DAB1: variants seen among roughly 807,000 people sequenced by gnomAD.
DAB1 encodes disabled homolog 1.
In DAB1, 15 loss-of-function variants were observed where a neutral mutation model predicts 64.6. The ratio of observed to expected loss-of-function variants is 0.23; its 90% confidence interval spans 0.16 to 0.36. DAB1 has a LOEUF of 0.36. DAB1 is among the 10% of genes least tolerant of loss of function. The pLI is 1.00. For synonymous variants in DAB1, 235 were observed against 251.9 expected (o/e 0.93, Z 0.64); for missense variants, 596 against 706.7 (o/e 0.84, Z 1.78).
rs1645616815 is a variant in DAB1, at chr1:56,996,404, C to T, written c.*1740G>A. On this transcript the variant is annotated 3_prime_UTR_variant, in exon 15 of 15. Coordinates refer to ENST00000371236, the MANE Select transcript of DAB1 (RefSeq NM_001365792.1). The stretch of plus-strand genomic sequence containing the variant: ...CACACTTGACCTGTATAACAATTCT[C>T]TGTAGGGCAAAAATATATAGATTCT... 1 of 152,182 alleles carries T rather than the reference C, an allele frequency of 6.6e-6. No homozygotes were observed. The highest frequency in any genetic ancestry group is 2.1e-4 in the South Asian group (1 of 4,824). 9.4% of individuals were successfully genotyped at this position (152,182 alleles called of 1,614,324 possible).
intron 7 of DAB1, among the ~76,000 whole-genome samples, chr1:57,435,786 T>C (rs1190707322): frequency 6.6e-6 from 1 of 152,102 alleles, no homozygotes; most frequent in Non-Finnish European, 1.5e-5. Context: ...TTTATATAAG[T>C]AGAAAGAGTA....
At chr1:57,144,707 G>T (rs371614744) in intron 3 of DAB1, among the ~76,000 whole-genome samples, 1 of 144,866 alleles carries the variant, frequency 6.9e-6, no homozygotes, top group African/African-American at 2.5e-5. Context: ...AAAAAAAAAA[G>T]AAAAAAAAAA....
At position 58,182,868 on chromosome 1, in the gene DAB1, G is replaced by GT. The variant is rs927814571; in HGVS notation, n.310-32281dup. Among the ~76,000 whole-genome samples the GT allele has an allele frequency of 7.3e-5, 11 of 151,084 alleles. 1 individual carries two copies. Among genetic ancestry groups the GT allele is most frequent in the Non-Finnish European group, 1.0e-4 (7 of 67,750 alleles). ...ATTTTCCTGCTTCTTTGCACATCTT[G>GT]TTTTTTTTGTTGTTGTTGTTTTACA... On this transcript the variant is annotated intron_variant and non_coding_transcript_variant, in intron 4 of 20. Transcript: ENST00000485760.
At chr1:58,124,440 G>A (rs1258631470) in intron 5 of DAB1, among the ~76,000 whole-genome samples, 1 of 152,128 alleles carries the variant, frequency 6.6e-6, no homozygotes, top group Admixed American at 6.6e-5. Context: ...TAATGATTTA[G>A]GGGCTGTATG....
intron 1 of DAB1, among the ~76,000 whole-genome samples, chr1:58,537,891 C>T (rs753550502): frequency 2.0e-4 from 31 of 152,030 alleles, no homozygotes; most frequent in South Asian, 6.2e-4. Context: ...GTAACAAAAA[C>T]AAGAAAGTTA....
At chr1:58,008,841 A>G (rs1646625665) in intron 5 of DAB1, among the ~76,000 whole-genome samples, 1 of 152,142 alleles carries the variant, frequency 6.6e-6, no homozygotes, top group South Asian at 2.1e-4. Flanking sequence ...GTTCAAGTTT[A>G]AGTTCCAATT....
chr1:58,103,362 C>G (rs1295003470), intron 5 of DAB1, among the ~76,000 whole-genome samples: 1 of 152,060 alleles, frequency 6.6e-6, no homozygotes, highest in African/African-American at 2.4e-5. Context: ...TGTAAACAGT[C>G]TAGGTTTTGT....
At chr1:57,290,464 G>A (rs1034194865) in intron 2 of DAB1, among the ~76,000 whole-genome samples, 1 of 152,146 alleles carries the variant, frequency 6.6e-6, no homozygotes, top group Non-Finnish European at 1.5e-5. Context: ...AGTGATTCGG[G>A]TCCAGCCGGA....
chr1:57,765,775 G>T (rs906536185), intron 6 of DAB1, among the ~76,000 whole-genome samples: 14 of 151,990 alleles, frequency 9.2e-5, no homozygotes, highest in African/African-American at 3.1e-4. Context: ...CTCCTCCCTG[G>T]CTACTCCTTT....
intron 6 of DAB1, among the ~76,000 whole-genome samples, chr1:57,779,198 G>A (rs1369649999): frequency 6.6e-6 from 1 of 152,098 alleles, no homozygotes; most frequent in Non-Finnish European, 1.5e-5. Flanking sequence ...GGGGTTAACA[G>A]TTGAGCTAAG....
intron 6 of DAB1, among the ~76,000 whole-genome samples, chr1:57,716,320 T>C (rs1184229960): frequency 1.3e-5 from 2 of 152,220 alleles, no homozygotes; most frequent in Non-Finnish European, 2.9e-5. Flanking sequence ...TGGGGCATCA[T>C]ATTACCTGAC....
chr1:58,127,050 G>C (rs1194398195), intron 5 of DAB1, among the ~76,000 whole-genome samples: 1 of 150,604 alleles, frequency 6.6e-6, no homozygotes. Context: ...TTCCACAATG[G>C]TTGAACTAGT....
intron 3 of DAB1, among the ~76,000 whole-genome samples, chr1:58,441,804 C>T (rs116222069): frequency 0.012 from 1,785 of 152,242 alleles, 40 homozygotes; most frequent in African/African-American, 0.041. Flanking sequence ...TATGTACTTA[C>T]GAAATCCTCC....
intron 6 of DAB1, among the ~76,000 whole-genome samples, chr1:57,757,934 A>T (rs1648894598): frequency 6.6e-6 from 1 of 152,068 alleles, no homozygotes. Flanking sequence ...CTTCTGCCTC[A>T]GCCTCCTGAG....
intron 7 of DAB1, among the ~76,000 whole-genome samples, chr1:57,569,237 C>T (rs1168196144): frequency 9.9e-5 from 11 of 111,226 alleles, no homozygotes; most frequent in South Asian, 7.1e-4. Flanking sequence ...CCAGCCTGGG[C>T]GACAGCGAGA....
intron 4 of DAB1, among the ~76,000 whole-genome samples, chr1:58,335,170 A>T (rs1663083467): frequency 6.6e-6 from 1 of 152,244 alleles, no homozygotes; most frequent in Admixed American, 6.5e-5. Flanking sequence ...GGGTACACGT[A>T]CAAAAACCAG....
chr1:57,941,757 T>C (rs1487043962), intron 5 of DAB1, among the ~76,000 whole-genome samples: 3 of 151,784 alleles, frequency 2.0e-5, no homozygotes, highest in Admixed American at 6.6e-5. Context: ...ATGGCGTGAA[T>C]CCAGAAGGCG....
In DAB1 at chr1:57,918,103, A is replaced by AAAT. The variant is rs1388748044; in HGVS notation, n.388-33944_388-33942dup. On this transcript the variant is annotated intron_variant and non_coding_transcript_variant, in intron 5 of 20. Transcript: ENST00000485760. The stretch of plus-strand genomic sequence containing the variant: ...TAAATAAATAAATAAATAAATAAAT[A>AAAT]AATATAAAAATATGATTTACACTTT... Among the ~76,000 whole-genome samples, 6 of 150,812 alleles carry AAAT rather than the reference A, an allele frequency of 4.0e-5. 1 individual carries two copies. The highest frequency in any genetic ancestry group is 1.5e-4 in the African/African-American group (6 of 41,306).
In DAB1 at chr1:58,058,089, T is replaced by C. The variant is rs1461257549; in HGVS notation, n.387+92422A>G. ...TAACACCATTTATTGCACTGTAGGATTTGTGAGAACAATCCTCTCCATCTT... is the reference window on the plus strand; with the variant it reads ...TAACACCATTTATTGCACTGTAGGACTTGTGAGAACAATCCTCTCCATCTT... On this transcript the variant is annotated intron_variant and non_coding_transcript_variant, in intron 5 of 20. Coordinates refer to the DAB1 transcript ENST00000485760. Among the ~76,000 whole-genome samples, 3 of 152,128 alleles carry C rather than the reference T, an allele frequency of 2.0e-5. No homozygotes were observed. In the East Asian group the frequency reaches 5.8e-4, roughly 29 times the overall value.
Sources: allele counts gnomAD v4.1 joint callset (sites outside exome capture counted in the v4.1 genomes callset), GRCh38; gene constraint gnomAD v4.1.1; transcripts MANE v1.5; gene names NCBI Gene and HGNC (gene_info 2026-07-23, HGNC 2026-07-21).